Variants in ARHGAP33 observed in about 807,000 individuals in gnomAD.
ARHGAP33 encodes the protein Rho GTPase activating protein 33, also known as rho GTPase-activating protein 33.
In ARHGAP33, 57 loss-of-function variants were observed where a neutral mutation model predicts 126.2. The observed-to-expected ratio is 0.45, with a 90% confidence interval of 0.36 to 0.56. The LOEUF (loss-of-function observed/expected upper bound fraction) is 0.56, where lower values mean the gene tolerates loss of function less well. ARHGAP33 is among the 20% of genes least tolerant of loss of function. The pLI is 0.00. For synonymous variants in ARHGAP33, 711 were observed against 755.0 expected (o/e 0.94, Z 0.95); for missense variants, 1,500 against 1,748.3 (o/e 0.86, Z 2.53).
At chr19:35,783,383 G>A (rs1417086890) in intron 15 of ARHGAP33, among the ~76,000 whole-genome samples, 1 of 152,210 alleles carries the variant, frequency 6.6e-6, no homozygotes, top group African/African-American at 2.4e-5. Flanking sequence ...AAAAATAAAC[G>A]AGAAAGGCCA....
chr19:35,784,347 C>G (rs776640197), intron 16 of ARHGAP33, 30 bp downstream of exon 16: 1 of 1,525,992 alleles, frequency 6.6e-7, no homozygotes, highest in Non-Finnish European at 8.8e-7. Context: ...GAGGTCCTGG[C>G]TACTGCCCAC....
Position 35,786,122 on chromosome 19 carries a change from G to A in ARHGAP33, c.1943-291G>A. ...CCACCGCGCCATCCTCACACTCCTG[G>A]GGTACTGCCCTCCCACATACCCAGG... On this transcript the variant is annotated intron_variant, in intron 19 of 20. Transcript: ENST00000007510. This position sits in a 1 kb window ranked among gnomAD's most constrained non-coding sequence, Gnocchi z 7.0. 1 of 1,302,796 alleles carries A rather than the reference G, an allele frequency of 7.7e-7. No individual in the cohort carries two copies. Among genetic ancestry groups the A allele is most frequent in the Non-Finnish European group, 9.7e-7 (1 of 1,026,940 alleles). The allele number at this position is 1,302,796 out of a possible 1,614,324, so 80.7% of individuals were successfully genotyped here. A position where few individuals can be genotyped will look rare whatever the true frequency, so the allele number is the denominator to read the frequency against.
intron 9 of ARHGAP33, 41 bp from the exon 10 acceptor site, chr19:35,780,716 G>A (rs757895267): frequency 1.9e-6 from 3 of 1,613,362 alleles, no homozygotes; most frequent in East Asian, 4.5e-5. Flanking sequence ...TGCGTCTTTT[G>A]CCTCCCACTC....
Position 35,786,045 on chromosome 19 carries a change from G to T in ARHGAP33, c.1943-368G>T, listed in dbSNP as rs750993385. The T allele has an allele frequency of 9.5e-5, 109 of 1,152,698 alleles. No homozygotes were observed. Among genetic ancestry groups the T allele is most frequent in the Non-Finnish European group, 1.1e-4 (101 of 934,984 alleles). The allele number at this position is 1,152,698 out of a possible 1,614,324, so 71.4% of individuals were successfully genotyped here. ...CTGGGTGCTGCTCTCCGACCTCTGC[G>T]GGGGGCTGCTTATCCACCCCACCCA... On this transcript the variant is annotated intron_variant, in intron 19 of 20. Coordinates refer to ENST00000007510, the MANE Select transcript of ARHGAP33 (RefSeq NM_001366178.1). This position sits in a 1 kb window ranked among gnomAD's most constrained non-coding sequence, Gnocchi z 7.0.
Position 35,778,609 on chromosome 19 carries a change from G to C in ARHGAP33, c.408+8G>C. On this transcript the variant is annotated splice_region_variant and intron_variant, in intron 5 of 20. Transcript: ENST00000007510. ...GGTGCCAGGGCTGCCCAGGTAACCT[G>C]CTTGTTGTCTCAGCCCCTGCCTCAT... 1 of 1,611,620 alleles carries C rather than the reference G, an allele frequency of 6.2e-7. No individual in the cohort carries two copies. Among genetic ancestry groups the C allele is most frequent in the Non-Finnish European group, 8.5e-7 (1 of 1,178,976 alleles).
chr19:35,787,818 C>G lies in ARHGAP33; in HGVS notation c.3253C>G (p.Leu1085Val). ...TGCACCACTCGACAGGGGAGAGAACCTGTACTATGAGATCGGGGCAAGTGA... is the reference window on the plus strand; with the variant it reads ...TGCACCACTCGACAGGGGAGAGAACGTGTACTATGAGATCGGGGCAAGTGA... ...PPAPLDRGEN[L>V]YYEIGASEGS... Residue 1085 changes from leucine to valine, a missense_variant, in exon 21 of 21, where the codon CTG becomes GTG. Leu to Val is a conservative substitution (Grantham distance 32). Coordinates refer to ENST00000007510, the MANE Select transcript of ARHGAP33 (RefSeq NM_001366178.1). 2 of 1,605,148 alleles carry G rather than the reference C, an allele frequency of 1.2e-6. No individual in the cohort carries two copies. Among genetic ancestry groups the G allele is most frequent in the Middle Eastern group, 1.7e-4 (1 of 5,978 alleles).
In ARHGAP33 at chr19:35,782,551, G is replaced by A. The variant is rs780433715; in HGVS notation, c.1230+34G>A. ...GGGAGCTGGCGGGACGGAGGGGGCC[G>A]GGACGCCTCTGGCCCAGACCTCATC... On this transcript the variant is annotated intron_variant, in intron 13 of 20. Transcript: ENST00000007510. The surrounding 1 kb of genome is among the most constrained non-coding windows in gnomAD (Gnocchi z 4.1). 4.5e-5 allele frequency: 72 copies of A among 1,613,322 alleles called. No homozygotes were observed. The highest frequency in any genetic ancestry group is 1.1e-4 in the East Asian group (5 of 44,842).
chr19:35,788,060 T>C lies in ARHGAP33; in HGVS notation c.3495T>C (p.Pro1165=). 6.3e-7 allele frequency: 1 copy of C among 1,598,326 alleles called. No homozygotes were observed. The highest frequency in any genetic ancestry group is 8.5e-7 in the Non-Finnish European group (1 of 1,174,618). The change falls in exon 21 of 21, where the codon CCT becomes CCC. Residue 1165 remains proline, a synonymous_variant. Coordinates refer to ENST00000007510, the MANE Select transcript of ARHGAP33 (RefSeq NM_001366178.1). ...ACCCTGCTCGGCGCCCTACACCGCC[T>C]GAGCCCCTCTACGTCAACCTAGCTC... The part of the protein sequence containing the change: ...PQHPARRPTP[P]EPLYVNLALG...
chr19:35,787,203 C>T lies in ARHGAP33; in HGVS notation c.2638C>T (p.Leu880=). 6.2e-7 allele frequency: 1 copy of T among 1,611,202 alleles called. No homozygotes were observed. The highest frequency in any genetic ancestry group is 8.5e-7 in the Non-Finnish European group (1 of 1,179,138). The change falls in exon 21 of 21, where the codon CTG becomes TTG. Residue 880 remains leucine (L), a synonymous_variant. Coordinates refer to ENST00000007510, the MANE Select transcript of ARHGAP33 (RefSeq NM_001366178.1). ...DMESPLPPPP[L]SLLRPGGAPP... is the part of the protein sequence containing the mutation. ...GGAGTCACCACTGCCACCCCCTCCC[C>T]TGTCTCTCCTGCGCCCTGGGGGTGC... is the stretch of plus-strand genomic sequence containing the variant.
chr19:35,780,772 C>T lies in ARHGAP33; in HGVS notation c.785C>T (p.Pro262Leu). Residue 262 changes from proline (P) to leucine (L), a missense_variant, in exon 10 of 21, where the codon CCA (proline) becomes CTA (leucine). Coordinates refer to ENST00000007510, the MANE Select transcript of ARHGAP33 (RefSeq NM_001366178.1). ...CGCCTAGCAGATGCCGATGGCCCCCCATGTGGCATCCCGGCTCCCCAGGGT... is the reference window on the plus strand; with the variant it reads ...CGCCTAGCAGATGCCGATGGCCCCCTATGTGGCATCCCGGCTCCCCAGGGT... ...PGLKADADGP[P>L]CGIPAPQGIS... is the part of the protein sequence containing the mutation. The T allele has an allele frequency of 6.2e-7, 1 of 1,613,940 alleles. No homozygotes were observed. The highest frequency in any genetic ancestry group is 8.5e-7 in the Non-Finnish European group (1 of 1,180,018).
Position 35,786,614 on chromosome 19 carries a change from C to T in ARHGAP33, c.2144C>T (p.Ser715Leu), listed in dbSNP as rs1972123805. The change falls in exon 20 of 21, where the codon TCA becomes TTA. Residue 715 changes from serine (S) to leucine (L), a missense_variant. By Grantham distance (145) the Ser-to-Leu change is moderately radical. Coordinates refer to ENST00000007510, the MANE Select transcript of ARHGAP33 (RefSeq NM_001366178.1). This position sits in a 1 kb window ranked among gnomAD's most constrained non-coding sequence, Gnocchi z 7.0. Reference protein sequence around the residue: ...ALSGSPSHRTSAWLDDGDELD... With the variant: ...ALSGSPSHRTLAWLDDGDELD... ...TCTGGGTCTCCCTCACACCGTACCT[C>T]AGCCTGGCTAGATGATGGTGATGAG... is the stretch of plus-strand genomic sequence containing the variant. The T allele has an allele frequency of 6.5e-7, 1 of 1,535,922 alleles. No individual in the cohort carries two copies. Among genetic ancestry groups the T allele is most frequent in the African/African-American group, 1.4e-5 (1 of 73,116 alleles).
rs545389706 is a variant in ARHGAP33 at position 35,786,207 on chromosome 19, A to T, written c.1943-206A>T. ...ATGTGAATCTGTTGGTCTCGTGCTC[A>T]CAGCCTGTGGGGCAGCCACAGGGCC... is the stretch of plus-strand genomic sequence containing the variant. On this transcript the variant is annotated intron_variant, in intron 19 of 20. Coordinates refer to ENST00000007510, the MANE Select transcript of ARHGAP33 (RefSeq NM_001366178.1). This position sits in a 1 kb window ranked among gnomAD's most constrained non-coding sequence, Gnocchi z 7.0. 122 of 1,409,016 alleles carry T rather than the reference A, an allele frequency of 8.7e-5. No homozygotes were observed. In the East Asian group the frequency reaches 1.6e-3, roughly 18 times the overall value. 87.3% of individuals were successfully genotyped at this position (1,409,016 alleles called of 1,614,324 possible).
At chr19:35,785,736 T>C (rs1044522426) in intron 19 of ARHGAP33, 2 of 1,342,964 alleles carry the variant, frequency 1.5e-6, no homozygotes, top group African/African-American at 3.0e-5. Flanking sequence ...TTGAACATTT[T>C]AAAATAATAT....
At position 35,787,333 on chromosome 19, in the gene ARHGAP33, C is replaced by G; in HGVS notation, c.2768C>G (p.Thr923Ser). Residue 923 changes from threonine (T) to serine (S), a missense_variant, in exon 21 of 21, where the codon ACC becomes AGC. This residue lies in a region of ARHGAP33 where 642 missense variants were observed against 634.0 expected (regional missense o/e 1.01). Coordinates refer to ENST00000007510, the MANE Select transcript of ARHGAP33 (RefSeq NM_001366178.1). Reference protein sequence around the residue: ...EQQSQQECGGTPPASQSPFHR... With the variant: ...EQQSQQECGGSPPASQSPFHR... ...CAGAGCCAGCAGGAGTGTGGGGGCA[C>G]CCCACCTGCTTCCCAATCCCCCTTC... 1 of 1,611,586 alleles carries G rather than the reference C, an allele frequency of 6.2e-7. No individual in the cohort carries two copies.
At position 35,788,445 on chromosome 19, in the gene ARHGAP33, G is replaced by A; in HGVS notation, c.*16G>A. ...CTACTGCTGAGCACCAGCTGGGAGG[G>A]GCCGTCCTTCCTTCCCTTCACCCTC... On this transcript the variant is annotated 3_prime_UTR_variant, in exon 21 of 21. Transcript: ENST00000007510. 1 of 1,509,998 alleles carries A rather than the reference G, an allele frequency of 6.6e-7. No individual in the cohort carries two copies. The highest frequency in any genetic ancestry group is 8.9e-7 in the Non-Finnish European group (1 of 1,127,718). The allele number at this position is 1,509,998 out of a possible 1,614,324, so 93.5% of individuals were successfully genotyped here.
intron 12 of ARHGAP33, among the ~76,000 whole-genome samples, chr19:35,781,931 G>A (rs377609428): frequency 2.8e-3 from 431 of 151,902 alleles, no homozygotes; most frequent in African/African-American, 0.01. Context: ...AAGCCTGCAG[G>A]GGGGTGGCCA....
Position 35,784,331 on chromosome 19 carries a change from C to A in ARHGAP33, c.1567+14C>A. 9 of 1,545,410 alleles carry A rather than the reference C, an allele frequency of 5.8e-6. No homozygotes were observed. The highest frequency in any genetic ancestry group is 7.0e-6 in the Non-Finnish European group (8 of 1,142,668). On this transcript the variant is annotated intron_variant, in intron 16 of 20. Coordinates refer to ENST00000007510, the MANE Select transcript of ARHGAP33 (RefSeq NM_001366178.1). ...TCGACCCTGCAGGTATGCCCTCCCACCCCCTGAGGTCCTGGCTACTGCCCA... is the reference window on the plus strand; with the variant it reads ...TCGACCCTGCAGGTATGCCCTCCCAACCCCTGAGGTCCTGGCTACTGCCCA...
In ARHGAP33 at chr19:35,778,305, G is replaced by A. The variant is rs1183276439; in HGVS notation, c.215G>A (p.Gly72Glu). The change falls in exon 4 of 21, where the codon GGG becomes GAG. Residue 72 changes from glycine to glutamate, a missense_variant. By Grantham distance (98) the Gly-to-Glu change is moderately conservative. Coordinates refer to ENST00000007510, the MANE Select transcript of ARHGAP33 (RefSeq NM_001366178.1). ...CTCCTGCTGTCTCCAGACCGTGAAG[G>A]GCCCAGCCTCTCTGGAGAGAATGAG... ...IQLLLSPDRE[G>E]PSLSGENELV... The A allele has an allele frequency of 3.1e-6, 5 of 1,614,174 alleles. No individual in the cohort carries two copies. In the African/African-American group the frequency reaches 6.7e-5, roughly 22 times the overall value.
chr19:35,779,205 T>G (rs2146691246), intron 6 of ARHGAP33, 81 bp downstream of exon 6: 1 of 1,134,858 alleles, frequency 8.8e-7, no homozygotes, highest in East Asian at 2.6e-5. Flanking sequence ...GGTGTGTGTG[T>G]GGGCATAGAA....
Sources: allele counts gnomAD v4.1 joint callset (sites outside exome capture counted in the v4.1 genomes callset), GRCh38; gene constraint gnomAD v4.1.1; regional missense constraint gnomAD v4.1.1; non-coding constraint Gnocchi (gnomAD v3.1); transcripts MANE v1.5; gene names NCBI Gene and HGNC (gene_info 2026-07-23, HGNC 2026-07-21).